The following SQOR variants were observed in gnomAD, a reference collection of about 807,000 sequenced individuals.
SQOR encodes the protein sulfide quinone oxidoreductase.
Under a neutral mutation model 48.6 loss-of-function variants are expected in SQOR, and 39 were observed. The ratio of observed to expected loss-of-function variants is 0.80; its 90% CI spans 0.62 to 1.05. The LOEUF (loss-of-function observed/expected upper bound fraction) is 1.05. SQOR is among the 50% of genes least tolerant of loss of function. SQOR has a pLI of 0.00. For missense variants in SQOR, 561 were observed against 559.9 expected (o/e 1.00, Z -0.02); for synonymous variants, 220 against 206.2 (o/e 1.07, Z -0.57).
Position 45,685,878 on chromosome 15 carries a change from G to A in SQOR, c.1049-2459G>A, listed in dbSNP as rs374908135. 9.9e-5 allele frequency among the ~76,000 whole-genome samples: 15 copies of A among 152,038 alleles called. No homozygotes were observed. In the East Asian group the frequency reaches 1.9e-3, roughly 20 times the overall value. On this transcript the variant is annotated intron_variant, in intron 7 of 9. Coordinates refer to ENST00000260324, the MANE Select transcript of SQOR (RefSeq NM_021199.4). The stretch of plus-strand genomic sequence containing the variant: ...TTTAGAGACAAGGTCTCGCTCTGTC[G>A]CCCAGGGTGGAGTGTAGTAGAGTGA...
rs79998524 is a variant in SQOR, at chr15:45,646,312, C to A, written c.-18+11204C>A. The stretch of plus-strand genomic sequence containing the variant: ...CTGAATTGCTAGCTCCTGCTAATGC[C>A]TGCATTGCTGCTGCAAAGGATATTC... On this transcript the variant is annotated intron_variant, in intron 1 of 9. Coordinates refer to ENST00000260324, the MANE Select transcript of SQOR (RefSeq NM_021199.4). Among the ~76,000 whole-genome samples, 1,431 of 152,342 alleles carry A rather than the reference C, an allele frequency of 9.4e-3. 25 individuals carry two copies. Among genetic ancestry groups the A allele is most frequent in the African/African-American group, 0.033 (1,364 of 41,568 alleles).
At position 45,689,179 on chromosome 15, in the gene SQOR, T is replaced by G. The variant is rs1190741150; in HGVS notation, c.1257T>G (p.Ala419=). ...GCCTTTCCATGTATCTCATGAAAGC[T>G]GACCTGATGCCTTTCCTGTATTGGA... ...KERLSMYLMK[A]DLMPFLYWNM... is the part of the protein sequence containing the mutation. Residue 419 remains alanine (A), a synonymous_variant, in exon 9 of 10, where the codon GCT becomes GCG. Coordinates refer to ENST00000260324, the MANE Select transcript of SQOR (RefSeq NM_021199.4). The G allele has an allele frequency of 6.2e-7, 1 of 1,614,134 alleles. No individual in the cohort carries two copies. Among genetic ancestry groups the G allele is most frequent in the Non-Finnish European group, 8.5e-7 (1 of 1,180,012 alleles).
At chr15:45,658,750 C>G (rs551305646) in intron 1 of SQOR, among the ~76,000 whole-genome samples, 157 bp from the exon 2 acceptor site, 1 of 152,170 alleles carries the variant, frequency 6.6e-6, no homozygotes, top group East Asian at 1.9e-4. Context: ...CTCAGGAGAC[C>G]TTGGGACCAC....
At position 45,689,039 on chromosome 15, in the gene SQOR, T is replaced by C. The variant is rs748147778; in HGVS notation, c.1117T>C (p.Tyr373His). The C allele has an allele frequency of 1.2e-6, 2 of 1,613,168 alleles. No homozygotes were observed. The highest frequency in any genetic ancestry group is 2.2e-5 in the South Asian group (2 of 90,904). Residue 373 changes from tyrosine to histidine, a missense_variant and splice_region_variant, in exon 9 of 10, where the codon TAT (tyrosine) becomes CAT (histidine). Tyr to His is a moderately conservative substitution (Grantham distance 83). Coordinates refer to ENST00000260324, the MANE Select transcript of SQOR (RefSeq NM_021199.4). The stretch of plus-strand genomic sequence containing the variant: ...AACTCAGTCTGATTTACAATTTTAG[T>C]ATGATGGCTACACATCATGTCCACT... ...IMKNQTPTKK[Y>H]DGYTSCPLVT... is the part of the protein sequence containing the mutation.
intron 1 of SQOR, among the ~76,000 whole-genome samples, chr15:45,653,492 C>T (rs748959409): frequency 2.6e-5 from 4 of 152,114 alleles, no homozygotes; most frequent in Non-Finnish European, 5.9e-5. Flanking sequence ...GCTTACAGGC[C>T]CTCTCCGGTC....
chr15:45,673,479 A>T, intron 4 of SQOR, 128 bp from the exon 5 acceptor site: 2 of 1,017,420 alleles, frequency 2.0e-6, no homozygotes, highest in Non-Finnish European at 2.9e-6. Flanking sequence ...TGCCTGCTCT[A>T]GGCATGTGGG....
At chr15:45,660,611 A>T (rs1213085373) in intron 2 of SQOR, among the ~76,000 whole-genome samples, 2 of 152,194 alleles carry the variant, frequency 1.3e-5, no homozygotes, top group African/African-American at 4.8e-5. Context: ...CAGGCTTGGT[A>T]CTTTCCCTGC....
intron 1 of SQOR, among the ~76,000 whole-genome samples, chr15:45,649,802 G>T (rs534808827): frequency 1.3e-5 from 2 of 150,842 alleles, no homozygotes; most frequent in South Asian, 4.2e-4. Flanking sequence ...AAGAATTGCT[G>T]GGGTAAGGGG....
intron 1 of SQOR, among the ~76,000 whole-genome samples, chr15:45,648,791 G>A (rs1595571632): frequency 6.6e-6 from 1 of 152,200 alleles, no homozygotes; most frequent in African/African-American, 2.4e-5. Flanking sequence ...GAACAGAGTA[G>A]GCAACAAGAG....
intron 1 of SQOR, among the ~76,000 whole-genome samples, chr15:45,644,888 GA>G (rs1895177560): frequency 6.6e-6 from 1 of 152,184 alleles, no homozygotes; most frequent in South Asian, 2.1e-4. Flanking sequence ...AGGTGGTTCA[GA>G]ATATGGCTCT....
rs376207339 is a variant in SQOR at position 45,690,994 on chromosome 15, G to A, written c.1317G>A (p.Ala439=). ...ACAGGGGTTACTGGGGAGGACCAGCGTTTCTGCGCAAGTTGTTTCATCTAG... is the reference window on the plus strand; with the variant it reads ...ACAGGGGTTACTGGGGAGGACCAGCATTTCTGCGCAAGTTGTTTCATCTAG... ...MMLRGYWGGP[A]FLRKLFHLGM... Residue 439 remains alanine, a synonymous_variant, in exon 10 of 10, where the codon GCG becomes GCA. Transcript: ENST00000260324. The A allele has an allele frequency of 3.0e-5, 49 of 1,614,172 alleles. No individual in the cohort carries two copies. The highest frequency in any genetic ancestry group is 1.5e-4 in the African/African-American group (11 of 75,034).
At chr15:45,682,395 A>G (rs62008309) in intron 6 of SQOR, 83 bp from the exon 7 acceptor site, 296,574 of 1,434,434 alleles carry the variant, frequency 0.21, 32,335 homozygotes, top group Middle Eastern at 0.31. Context: ...CACAGTGTAT[A>G]GAGTAAGGAA....
In SQOR at chr15:45,691,011, T is replaced by G. The variant is rs1309340092; in HGVS notation, c.1334T>G (p.Phe445Cys). 13 of 1,614,070 alleles carry G rather than the reference T, an allele frequency of 8.1e-6. No homozygotes were observed. Among genetic ancestry groups the G allele is most frequent in the Non-Finnish European group, 1.0e-5 (12 of 1,180,026 alleles). The change falls in exon 10 of 10, where the codon TTT becomes TGT. Residue 445 changes from phenylalanine to cysteine, a missense_variant. Transcript: ENST00000260324. ...WGGPAFLRKL[F>C]HLGMS is the part of the protein sequence containing the mutation. ...GGACCAGCGTTTCTGCGCAAGTTGT[T>G]TCATCTAGGTATGAGTTAAGGATGG...
chr15:45,650,999 G>C (rs369725435), intron 1 of SQOR, among the ~76,000 whole-genome samples: 14 of 152,184 alleles, frequency 9.2e-5, no homozygotes, highest in Admixed American at 8.5e-4. Context: ...CCCGGGTCCC[G>C]CACCGCGCAC....
chr15:45,658,822 G>A, intron 1 of SQOR, 85 bp from the exon 2 acceptor site: 1 of 1,104,380 alleles, frequency 9.1e-7, no homozygotes, highest in Non-Finnish European at 1.2e-6. Context: ...CCAGATGCCG[G>A]CCTCCCTTCC....
chr15:45,669,913 C>T lies in SQOR; in HGVS notation c.406-15C>T. 2 of 1,612,930 alleles carry T rather than the reference C, an allele frequency of 1.2e-6. No individual in the cohort carries two copies. Among genetic ancestry groups the T allele is most frequent in the Non-Finnish European group, 1.7e-6 (2 of 1,178,952 alleles). ...CTTGAGTCCTGGTCTAAAATAATGT[C>T]TTTTTGTGTTGCAGATCTCCTACCG... On this transcript the variant is annotated splice_polypyrimidine_tract_variant and intron_variant, in intron 3 of 9. Transcript: ENST00000260324.
At chr15:45,655,306 A>T (rs1239197399) in intron 1 of SQOR, among the ~76,000 whole-genome samples, 1 of 152,146 alleles carries the variant, frequency 6.6e-6, no homozygotes, top group East Asian at 1.9e-4. Context: ...ATGGAGATAG[A>T]TATAGTGTCA....
chr15:45,675,963 C>T, intron 5 of SQOR, 138 bp from the exon 6 acceptor site: 2 of 771,756 alleles, frequency 2.6e-6, no homozygotes, highest in South Asian at 1.7e-5. Context: ...GATTGGTCTA[C>T]CCATTGCTCT....
chr15:45,656,073 G>A (rs1889604256), intron 1 of SQOR, among the ~76,000 whole-genome samples: 1 of 151,650 alleles, frequency 6.6e-6, no homozygotes, highest in Non-Finnish European at 1.5e-5. Flanking sequence ...CATAGAGATA[G>A]TATGGTGTAG....
Sources: gnomAD v4.1 joint callset for allele counts (sites outside exome capture counted in the v4.1 genomes callset) on GRCh38, gnomAD v4.1.1 for gene constraint, MANE v1.5 for transcripts, NCBI Gene and HGNC (gene_info 2026-07-23, HGNC 2026-07-21) for gene names.